ENTREP2: variants seen among roughly 807,000 people sequenced by gnomAD.
ENTREP2 encodes the protein protein ENTREP2.
At chr15:29,212,484 C>T in the ENTREP2 span, among the ~76,000 whole-genome samples, 1 of 151,834 alleles carries the variant, frequency 6.6e-6, no homozygotes, top group African/African-American at 2.4e-5. Context: ...TTTAGTTCTG[C>T]TCTCATCTTG....
chr15:29,656,916 T>C, the ENTREP2 span, among the ~76,000 whole-genome samples: 1 of 152,210 alleles, frequency 6.6e-6, no homozygotes, highest in East Asian at 1.9e-4. Flanking sequence ...AAGCAGCTTT[T>C]TATGACCACA....
the ENTREP2 span, among the ~76,000 whole-genome samples, chr15:29,425,499 T>C: frequency 6.6e-6 from 1 of 152,236 alleles, no homozygotes; most frequent in Non-Finnish European, 1.5e-5. Context: ...TTTGTGTTTG[T>C]TTGTTTGCCA....
chr15:29,292,052 C>CTA, the ENTREP2 span, among the ~76,000 whole-genome samples: 2 of 152,284 alleles, frequency 1.3e-5, no homozygotes, highest in East Asian at 3.9e-4. Context: ...CTAGTGGACA[C>CTA]TATCCTGAGT....
At chr15:29,133,404 T>A in the ENTREP2 span, among the ~76,000 whole-genome samples, 1 of 152,094 alleles carries the variant, frequency 6.6e-6, no homozygotes, top group Non-Finnish European at 1.5e-5. Context: ...GATTTGATTA[T>A]CAAGTTCCCC....
At chr15:29,179,350 G>T in the ENTREP2 span, among the ~76,000 whole-genome samples, 1 of 152,246 alleles carries the variant, frequency 6.6e-6, no homozygotes, top group East Asian at 1.9e-4. Flanking sequence ...CAAGAGAAGA[G>T]GATGAATATG....
chr15:29,136,626 G>A, the ENTREP2 span: 1 of 1,022,164 alleles, frequency 9.8e-7, no homozygotes, highest in Non-Finnish European at 1.4e-6. Context: ...CCATCATTGT[G>A]AAATCAAAGC....
chr15:29,442,669 C>A, the ENTREP2 span, among the ~76,000 whole-genome samples: 1 of 152,178 alleles, frequency 6.6e-6, no homozygotes, highest in Non-Finnish European at 1.5e-5. Flanking sequence ...CAAAGAGGCT[C>A]CAGTGGCCTG....
chr15:29,598,473 G>T, the ENTREP2 span, among the ~76,000 whole-genome samples: 1 of 152,156 alleles, frequency 6.6e-6, no homozygotes, highest in South Asian at 2.1e-4. Context: ...AGAACATTTT[G>T]CAGCTAGTTT....
chr15:29,608,624 G>A, the ENTREP2 span, among the ~76,000 whole-genome samples: 22 of 150,690 alleles, frequency 1.5e-4, no homozygotes, highest in Admixed American at 1.2e-3. Context: ...GCGCCATCTC[G>A]GCTCACTGCA....
chr15:29,119,492 T>C, the ENTREP2 span, among the ~76,000 whole-genome samples: 2 of 29,806 alleles, frequency 6.7e-5, 1 homozygote, highest in Non-Finnish European at 2.3e-4. Flanking sequence ...GAGATATACC[T>C]AATGCTAGAT....
At chr15:29,654,319 C>T in the ENTREP2 span, among the ~76,000 whole-genome samples, 9 of 152,068 alleles carry the variant, frequency 5.9e-5, no homozygotes, top group Non-Finnish European at 1.3e-4. Flanking sequence ...AAAATTTGGA[C>T]CAATTACCAA....
chr15:29,435,497 GT>G, the ENTREP2 span, among the ~76,000 whole-genome samples: 1 of 151,934 alleles, frequency 6.6e-6, no homozygotes, highest in Non-Finnish European at 1.5e-5. Context: ...TTTTATGTTT[GT>G]TAATATCCTT....
the ENTREP2 span, among the ~76,000 whole-genome samples, chr15:29,187,539 G>A: frequency 2.0e-5 from 3 of 152,252 alleles, no homozygotes; most frequent in South Asian, 6.2e-4. Context: ...GCCTCCCAAA[G>A]TGCTGGGATT....
the ENTREP2 span, among the ~76,000 whole-genome samples, chr15:29,406,661 C>T: frequency 6.6e-6 from 1 of 152,062 alleles, no homozygotes; most frequent in Non-Finnish European, 1.5e-5. Flanking sequence ...CAAAATTGTT[C>T]TGTAGAGAAG....
chr15:29,177,098 G>A, the ENTREP2 span, among the ~76,000 whole-genome samples: 2 of 152,216 alleles, frequency 1.3e-5, no homozygotes, highest in Admixed American at 6.5e-5. Context: ...CCTGGGAGCT[G>A]AGCAGCTAGG....
the ENTREP2 span, among the ~76,000 whole-genome samples, chr15:29,654,826 T>A: frequency 6.6e-6 from 1 of 152,352 alleles, no homozygotes; most frequent in Admixed American, 6.5e-5. Flanking sequence ...TCCTGACTAA[T>A]ACCTCCTGTT....
At chr15:29,600,915 T>TTTTTTTTTTTTA in the ENTREP2 span, among the ~76,000 whole-genome samples, 10 of 143,422 alleles carry the variant, frequency 7.0e-5, no homozygotes, top group South Asian at 2.1e-4. Context: ...TTTTTTTTTT[T>TTTTTTTTTTTTA]GAGACAGAGT....
chr15:29,354,426 T>A, the ENTREP2 span, among the ~76,000 whole-genome samples: 1 of 151,982 alleles, frequency 6.6e-6, no homozygotes, highest in Non-Finnish European at 1.5e-5. Flanking sequence ...CTCTGGAGAG[T>A]CCTCCTAATA....
At chr15:29,216,009 A>G in the ENTREP2 span, among the ~76,000 whole-genome samples, 1 of 152,086 alleles carries the variant, frequency 6.6e-6, no homozygotes, top group Non-Finnish European at 1.5e-5. Flanking sequence ...TTGCCTGAGT[A>G]CTTTGGTTTT....
Sources: gnomAD v4.1 joint callset for allele counts (sites outside exome capture counted in the v4.1 genomes callset) on GRCh38, gnomAD v4.1.1 for gene constraint, MANE v1.5 for transcripts, NCBI Gene and HGNC (gene_info 2026-07-23, HGNC 2026-07-21) for gene names.